ATF3: variants seen among roughly 807,000 people sequenced by gnomAD.
The protein encoded by ATF3 is cyclic AMP-dependent transcription factor ATF-3.
Under a neutral mutation model 18.4 loss-of-function variants are expected in ATF3, and 10 were observed. The ratio of observed to expected loss-of-function variants is 0.54; its 90% CI spans 0.34 to 0.92. The LOEUF (loss-of-function observed/expected upper bound fraction) is 0.92. Among genes scored for constraint, ATF3 ranks in the 40% least tolerant of loss-of-function variants. The pLI, the probability that ATF3 is intolerant of heterozygous loss-of-function variation, is 0.02. For missense variants in ATF3, 183 were observed against 222.3 expected, an observed-to-expected ratio of 0.82 and a Z score of 1.12; for synonymous variants, 78 against 87.9, an observed-to-expected ratio of 0.89 and a Z score of 0.63.
intron 1 of ATF3, among the ~76,000 whole-genome samples, chr1:212,588,164 G>A (rs1397075402): frequency 2.0e-5 from 3 of 152,114 alleles, no homozygotes; most frequent in African/African-American, 4.8e-5. Context: ...GTTTTAAGGA[G>A]ACATTGAAAC....
chr1:212,615,294 C>T (rs774452306), intron 2 of ATF3, 33 bp downstream of exon 2: 4 of 1,607,938 alleles, frequency 2.5e-6, no homozygotes, highest in Non-Finnish European at 3.4e-6. Flanking sequence ...ATTCTTTCGG[C>T]ACATGTTTCG....
In ATF3 at chr1:212,619,501, A is replaced by G. The variant is rs1655279282; in HGVS notation, c.492A>G (p.Glu164=). Residue 164 remains glutamate, a synonymous_variant, in exon 4 of 4, where the codon GAA becomes GAG. Coordinates refer to ENST00000341491, the MANE Select transcript of ATF3 (RefSeq NM_001674.4). This position sits in a 1 kb window ranked among gnomAD's most constrained non-coding sequence, Gnocchi z 4.4. ...IVRAQNGRTP[E]DERNLFIQQI... ...GGGCTCAGAATGGGAGGACTCCAGA[A>G]GATGAGAGAAACCTCTTTATCCAAC... 1 of 1,614,110 alleles carries G rather than the reference A, an allele frequency of 6.2e-7. No individual in the cohort carries two copies. The highest frequency in any genetic ancestry group is 1.3e-5 in the African/African-American group (1 of 74,936).
chr1:212,577,096 T>C (rs1222624692), intron 1 of ATF3, among the ~76,000 whole-genome samples: 1 of 152,158 alleles, frequency 6.6e-6, no homozygotes, highest in Admixed American at 6.6e-5. Context: ...CTCTTCATCG[T>C]TGGATGCCTG....
chr1:212,586,045 C>G (rs896728904), intron 1 of ATF3, among the ~76,000 whole-genome samples: 2 of 152,196 alleles, frequency 1.3e-5, no homozygotes, highest in South Asian at 2.1e-4. Context: ...CCTCTCAACC[C>G]TCTGGGGTCC....
chr1:212,566,246 T>C (rs1369773588), intron 1 of ATF3, among the ~76,000 whole-genome samples: 2 of 152,140 alleles, frequency 1.3e-5, no homozygotes, highest in South Asian at 2.1e-4. Context: ...ACATGTGCAC[T>C]TGGGGTTCTT....
chr1:212,568,447 C>A (rs6697545), intron 1 of ATF3, among the ~76,000 whole-genome samples: 2,376 of 152,234 alleles, frequency 0.016, 66 homozygotes, highest in African/African-American at 0.054. Context: ...AAAGAGCACA[C>A]CAAAAACATC....
At chr1:212,577,356 T>C (rs1245908812) in intron 1 of ATF3, among the ~76,000 whole-genome samples, 1 of 152,216 alleles carries the variant, frequency 6.6e-6, no homozygotes, top group Non-Finnish European at 1.5e-5. Flanking sequence ...ATGGAATGAC[T>C]AAATCTAGCT....
chr1:212,573,872 A>G (rs1258296941), intron 1 of ATF3, among the ~76,000 whole-genome samples: 2 of 151,600 alleles, frequency 1.3e-5, no homozygotes, highest in Non-Finnish European at 2.9e-5. Flanking sequence ...GTATTGTCTT[A>G]TATTTAAAAT....
intron 1 of ATF3, among the ~76,000 whole-genome samples, chr1:212,601,764 A>G (rs1332879117): frequency 6.6e-6 from 1 of 152,228 alleles, no homozygotes; most frequent in Non-Finnish European, 1.5e-5. Context: ...TTTTAAAATC[A>G]GTCAGTAAGC....
intron 1 of ATF3, among the ~76,000 whole-genome samples, chr1:212,590,032 AG>A: frequency 1.3e-5 from 2 of 152,310 alleles, no homozygotes; most frequent in South Asian, 4.1e-4. Context: ...GATGTACTTA[AG>A]CAGTAAGTGT....
chr1:212,569,898 AAAAT>A, intron 1 of ATF3, among the ~76,000 whole-genome samples: 2 of 152,286 alleles, frequency 1.3e-5, no homozygotes, highest in South Asian at 4.1e-4. Flanking sequence ...ATATTTCTCA[AAAAT>A]AAATAAACCA....
At chr1:212,609,418 C>T (rs1654797498) in intron 1 of ATF3, among the ~76,000 whole-genome samples, 1 of 144,764 alleles carries the variant, frequency 6.9e-6, no homozygotes, top group Admixed American at 7.0e-5. Flanking sequence ...CGGAGGCTTG[C>T]GGGAGGGCTG....
At position 212,618,291 on chromosome 1, in the gene ATF3, A is replaced by G; in HGVS notation, c.348+57A>G. 3 of 1,542,090 alleles carry G rather than the reference A, an allele frequency of 1.9e-6. No homozygotes were observed. The highest frequency in any genetic ancestry group is 2.7e-6 in the Non-Finnish European group (3 of 1,114,836). On this transcript the variant is annotated intron_variant, in intron 3 of 3. Transcript: ENST00000341491. This position sits in a 1 kb window ranked among gnomAD's most constrained non-coding sequence, Gnocchi z 4.4. The stretch of plus-strand genomic sequence containing the variant: ...GCTCACGCCTGTCTTCACCAGCTTC[A>G]TGTGGCTATCAGAAGAAGAGTTAGA...
At chr1:212,587,545 G>A (rs910278592) in intron 1 of ATF3, among the ~76,000 whole-genome samples, 6 of 152,156 alleles carry the variant, frequency 3.9e-5, no homozygotes, top group Non-Finnish European at 7.3e-5. Context: ...ACTCAGGGAA[G>A]CTGCCATTGG....
chr1:212,591,691 A>G (rs367783218), intron 1 of ATF3, among the ~76,000 whole-genome samples: 3 of 152,218 alleles, frequency 2.0e-5, no homozygotes, highest in Non-Finnish European at 4.4e-5. Context: ...GCAAACGTAC[A>G]CATATAAATC....
chr1:212,594,472 T>A (rs1028279898), intron 1 of ATF3, among the ~76,000 whole-genome samples: 1 of 152,242 alleles, frequency 6.6e-6, no homozygotes, highest in Non-Finnish European at 1.5e-5. Context: ...ATTTTGTGCC[T>A]TTATAGATGA....
At chr1:212,594,630 C>A (rs1467012265) in intron 1 of ATF3, among the ~76,000 whole-genome samples, 2 of 152,166 alleles carry the variant, frequency 1.3e-5, no homozygotes, top group South Asian at 4.1e-4. Context: ...GGCAGGGGTA[C>A]AAGAGAGCCT....
chr1:212,598,134 A>T lies in ATF3; in HGVS notation c.-4-16884A>T, dbSNP rs532719908. Reference sequence around the variant, plus strand: ...CACATCCGCACTATAGAACAATGGGATAATTCAGAAATATATAAGTAGAAG... The same window carrying T: ...CACATCCGCACTATAGAACAATGGGTTAATTCAGAAATATATAAGTAGAAG... On this transcript the variant is annotated intron_variant, in intron 1 of 3. Transcript: ENST00000366981. 5.4e-4 allele frequency among the ~76,000 whole-genome samples: 82 copies of T among 152,326 alleles called. 1 individual carries two copies. Among genetic ancestry groups the T allele is most frequent in the South Asian group, 2.5e-3 (12 of 4,826 alleles).
chr1:212,568,545 T>C (rs570783539), intron 1 of ATF3, among the ~76,000 whole-genome samples: 5 of 152,332 alleles, frequency 3.3e-5, no homozygotes, highest in South Asian at 2.1e-4. Flanking sequence ...TTAATAATTA[T>C]TGTTAGGCTT....
Sources: gnomAD v4.1 joint callset for allele counts (sites outside exome capture counted in the v4.1 genomes callset) on GRCh38, gnomAD v4.1.1 for gene constraint, Gnocchi (gnomAD v3.1) non-coding constraint, MANE v1.5 for transcripts, NCBI Gene and HGNC (gene_info 2026-07-23, HGNC 2026-07-21) for gene names.